The following ITFG1 variants were observed in gnomAD, a reference collection of about 807,000 sequenced individuals.
The protein encoded by ITFG1 is integrin alpha FG-GAP repeat containing 1.
ITFG1 carries 34 observed loss-of-function variants against 81.8 expected under a neutral mutation model. The observed-to-expected ratio is 0.42, with a 90% CI of 0.32 to 0.55. The LOEUF (loss-of-function observed/expected upper bound fraction) is 0.55, where lower values mean the gene tolerates loss of function less well. ITFG1 is among the 20% of genes least tolerant of loss of function. The probability of loss-of-function intolerance (pLI) is 0.17; values close to 1 mark genes in which losing one functional copy is unlikely to be tolerated. For missense variants in ITFG1, 672 were observed against 755.4 expected (o/e 0.89, Z 1.29); for synonymous variants, 285 against 270.6 (o/e 1.05, Z -0.52).
At chr16:47,210,114 A>G (rs1251665472) in intron 14 of ITFG1, among the ~76,000 whole-genome samples, 3 of 152,210 alleles carry the variant, frequency 2.0e-5, no homozygotes. Flanking sequence ...TAGTTTTTTA[A>G]GAACTACCAA....
At chr16:47,282,224 T>TA (rs1966458295) in intron 10 of ITFG1, among the ~76,000 whole-genome samples, 1 of 151,924 alleles carries the variant, frequency 6.6e-6, no homozygotes, top group Non-Finnish European at 1.5e-5. Context: ...CCATGAGTTG[T>TA]ACCCATTAAG....
chr16:47,350,058 C>T (rs2151580886), intron 8 of ITFG1, among the ~76,000 whole-genome samples: 1 of 152,224 alleles, frequency 6.6e-6, no homozygotes, highest in African/African-American at 2.4e-5. Context: ...GGGACACATT[C>T]AAAGCAGTGT....
chr16:47,255,646 T>C (rs1478528038), intron 12 of ITFG1, among the ~76,000 whole-genome samples: 3 of 152,230 alleles, frequency 2.0e-5, no homozygotes, highest in South Asian at 2.1e-4. Context: ...CCTCAAAAGA[T>C]AGCTGGACAT....
chr16:47,326,008 A>G (rs1281342903), intron 8 of ITFG1, among the ~76,000 whole-genome samples: 5 of 152,206 alleles, frequency 3.3e-5, no homozygotes, highest in Non-Finnish European at 7.3e-5. Flanking sequence ...AATGCCTGGC[A>G]GAGACACAAC....
chr16:47,272,417 T>C (rs148165601), intron 10 of ITFG1, among the ~76,000 whole-genome samples: 30 of 152,148 alleles, frequency 2.0e-4, no homozygotes, highest in Non-Finnish European at 4.0e-4. Context: ...TTTTTTTTAA[T>C]TGAAGTCCAG....
At chr16:47,402,248 C>T (rs1426719951) in intron 6 of ITFG1, among the ~76,000 whole-genome samples, 1 of 152,166 alleles carries the variant, frequency 6.6e-6, no homozygotes, top group African/African-American at 2.4e-5. Flanking sequence ...TAAAAATTCA[C>T]TTGTACCACA....
intron 14 of ITFG1, among the ~76,000 whole-genome samples, chr16:47,163,350 T>A (rs781137066): frequency 6.6e-6 from 1 of 152,212 alleles, no homozygotes; most frequent in African/African-American, 2.4e-5. Flanking sequence ...TCTGACTCAA[T>A]AGATTTGCCT....
Position 47,429,607 on chromosome 16 carries a change from T to C in ITFG1, c.561-709A>G, listed in dbSNP as rs1969067755. 3.3e-5 allele frequency among the ~76,000 whole-genome samples: 5 copies of C among 152,224 alleles called. No individual in the cohort carries two copies. In the South Asian group the frequency reaches 1.0e-3, roughly 31 times the overall value. Reference sequence around the variant, plus strand: ...GTCTTATTCTTGTCCATTTATTTTATTACAGCTATCCTAGAGGGTGTGATA... The same window carrying C: ...GTCTTATTCTTGTCCATTTATTTTACTACAGCTATCCTAGAGGGTGTGATA... On this transcript the variant is annotated intron_variant, in intron 5 of 17. Transcript: ENST00000320640.
chr16:47,430,810 C>T (rs935934131), intron 5 of ITFG1, among the ~76,000 whole-genome samples: 1 of 152,180 alleles, frequency 6.6e-6, no homozygotes, highest in Non-Finnish European at 1.5e-5. Context: ...TCCTGCATTT[C>T]TACGCTTAGC....
intron 8 of ITFG1, among the ~76,000 whole-genome samples, chr16:47,318,943 G>C (rs1368441414): frequency 6.6e-6 from 1 of 152,032 alleles, no homozygotes; most frequent in Non-Finnish European, 1.5e-5. Flanking sequence ...CCCATCTATC[G>C]TCAAACTCAA....
chr16:47,301,498 G>C (rs1967075755), intron 10 of ITFG1, among the ~76,000 whole-genome samples: 1 of 151,454 alleles, frequency 6.6e-6, no homozygotes. Flanking sequence ...CCAGGTTCCA[G>C]CAATTCTCCT....
Position 47,155,057 on chromosome 16 carries a change from C to A in ITFG1, c.*662G>T, listed in dbSNP as rs1481183618. Reference sequence around the variant, plus strand: ...GCTAGGCACCAAGCTAAGCACTTCACATACATCATCCCATTTAATGTTTAC... The same window carrying A: ...GCTAGGCACCAAGCTAAGCACTTCAAATACATCATCCCATTTAATGTTTAC... On this transcript the variant is annotated 3_prime_UTR_variant, in exon 18 of 18. Transcript: ENST00000320640. 1 of 152,228 alleles carries A rather than the reference C, an allele frequency of 6.6e-6. No homozygotes were observed. Among genetic ancestry groups the A allele is most frequent in the African/African-American group, 2.4e-5 (1 of 41,448 alleles). The allele number at this position is 152,228 out of a possible 1,614,324, so 9.4% of individuals were successfully genotyped here. A position where few individuals can be genotyped will look rare whatever the true frequency, so the allele number is the denominator to read the frequency against.
chr16:47,237,120 GC>G (rs1965886164), intron 13 of ITFG1, among the ~76,000 whole-genome samples: 1 of 152,188 alleles, frequency 6.6e-6, no homozygotes, highest in Non-Finnish European at 1.5e-5. Context: ...CAGAGGTGTT[GC>G]CCCCAGTTTG....
intron 8 of ITFG1, among the ~76,000 whole-genome samples, chr16:47,334,860 GAATT>G (rs1967682196): frequency 6.6e-6 from 1 of 152,044 alleles, no homozygotes; most frequent in African/African-American, 2.4e-5. Context: ...TAACTACCAA[GAATT>G]TATTTAAAAT....
intron 14 of ITFG1, among the ~76,000 whole-genome samples, chr16:47,195,723 T>TTTG (rs752361709): frequency 6.6e-6 from 1 of 152,122 alleles, no homozygotes; most frequent in African/African-American, 2.4e-5. Flanking sequence ...TCACTTTCTT[T>TTTG]TTGTTGTTGT....
intron 10 of ITFG1, among the ~76,000 whole-genome samples, chr16:47,285,074 G>A (rs1009600627): frequency 1.3e-5 from 2 of 152,068 alleles, no homozygotes; most frequent in East Asian, 1.9e-4. Context: ...CATAGCCCTC[G>A]TTACAGTCTT....
At chr16:47,288,878 A>G (rs1478612197) in intron 10 of ITFG1, among the ~76,000 whole-genome samples, 1 of 152,176 alleles carries the variant, frequency 6.6e-6, no homozygotes, top group Non-Finnish European at 1.5e-5. Flanking sequence ...CCTGGGTAAC[A>G]GTGCGAGACT....
intron 12 of ITFG1, among the ~76,000 whole-genome samples, chr16:47,242,745 T>A (rs987189792): frequency 6.6e-6 from 1 of 152,286 alleles, no homozygotes; most frequent in Non-Finnish European, 1.5e-5. Context: ...AATTATACAA[T>A]TTCTGTGAAG....
chr16:47,362,376 T>A (rs897848590), intron 8 of ITFG1, among the ~76,000 whole-genome samples: 14 of 152,310 alleles, frequency 9.2e-5, no homozygotes, highest in Middle Eastern at 6.8e-3. Context: ...ATTATGCATA[T>A]CCCACCAGAC....
Sources: gnomAD v4.1 joint callset for allele counts (sites outside exome capture counted in the v4.1 genomes callset) on GRCh38, gnomAD v4.1.1 for gene constraint, MANE v1.5 for transcripts, NCBI Gene and HGNC (gene_info 2026-07-23, HGNC 2026-07-21) for gene names.